The following SFRP1 variants were observed in gnomAD, a reference collection of about 807,000 sequenced individuals.
SFRP1 encodes secreted frizzled-related protein 1.
In SFRP1, 9 loss-of-function variants were observed where a neutral mutation model predicts 25.9. The ratio of observed to expected loss-of-function variants is 0.35; its 90% confidence interval spans 0.21 to 0.61. The LOEUF (loss-of-function observed/expected upper bound fraction) is 0.61. SFRP1 is among the 20% of genes least tolerant of loss of function. SFRP1 has a pLI of 0.78. For missense variants in SFRP1, 346 were observed against 418.2 expected (o/e 0.83, Z 1.51); for synonymous variants, 178 against 174.0 (o/e 1.02, Z -0.18).
In SFRP1 at chr8:41,265,825, T is replaced by C. The variant is rs145161974; in HGVS notation, c.623-336A>G. On this transcript the variant is annotated intron_variant, in intron 2 of 2. Coordinates refer to ENST00000220772, the MANE Select transcript of SFRP1 (RefSeq NM_003012.5). ...TTTTCATCTAGAACAATAACCCAAG[T>C]GTACAGCTGAGGTGGAGAAGAAAAT... 2.6e-4 allele frequency among the ~76,000 whole-genome samples: 40 copies of C among 152,160 alleles called. No individual in the cohort carries two copies. The East Asian group carries it at 7.5e-3, about 29-fold the overall frequency.
intron 2 of SFRP1, among the ~76,000 whole-genome samples, chr8:41,285,928 T>G: frequency 1.4e-5 from 2 of 148,142 alleles, no homozygotes; most frequent in Non-Finnish European, 3.0e-5. Context: ...TTTTGGGGTA[T>G]GGGTCCCCAG....
chr8:41,265,540 T>G, intron 2 of SFRP1, 51 bp from the exon 3 acceptor site: 2 of 1,350,852 alleles, frequency 1.5e-6, no homozygotes, highest in East Asian at 4.7e-5. Flanking sequence ...AGAAAGCATT[T>G]AGAACACAGC....
chr8:41,294,462 C>T (rs1297751905), intron 2 of SFRP1, among the ~76,000 whole-genome samples: 1 of 152,160 alleles, frequency 6.6e-6, no homozygotes, highest in African/African-American at 2.4e-5. Context: ...GAAAATCCCC[C>T]TCGTAATCCT....
At chr8:41,297,271 T>C (rs1186434045) in intron 2 of SFRP1, among the ~76,000 whole-genome samples, 2 of 149,098 alleles carry the variant, frequency 1.3e-5, no homozygotes, top group Admixed American at 6.7e-5. Flanking sequence ...CTTGAACTTC[T>C]GACCTCAGGT....
intron 1 of SFRP1, among the ~76,000 whole-genome samples, chr8:41,305,337 G>A: frequency 6.6e-6 from 1 of 152,168 alleles, no homozygotes; most frequent in East Asian, 1.9e-4. Context: ...TGAACCAATC[G>A]GCCAAGGAGG....
intron 2 of SFRP1, among the ~76,000 whole-genome samples, chr8:41,286,076 C>A (rs1021651755): frequency 6.6e-6 from 1 of 151,950 alleles, no homozygotes; most frequent in South Asian, 2.1e-4. Context: ...CCGGCCCAGA[C>A]CCGATTCCTG....
chr8:41,270,246 G>C (rs1462188996), intron 2 of SFRP1, among the ~76,000 whole-genome samples: 1 of 152,154 alleles, frequency 6.6e-6, no homozygotes, highest in Non-Finnish European at 1.5e-5. Context: ...ATTAGACTGA[G>C]CCCGTGCAAT....
chr8:41,281,216 C>G (rs984096358), intron 2 of SFRP1, among the ~76,000 whole-genome samples: 1 of 152,210 alleles, frequency 6.6e-6, no homozygotes, highest in Non-Finnish European at 1.5e-5. Flanking sequence ...ACCTCCTCCC[C>G]AAGGCCTCCA....
At chr8:41,274,704 A>G (rs1396830113) in intron 2 of SFRP1, among the ~76,000 whole-genome samples, 2 of 152,252 alleles carry the variant, frequency 1.3e-5, no homozygotes, top group Non-Finnish European at 2.9e-5. Context: ...CATAGGAACT[A>G]GAGGTGGGAA....
At chr8:41,286,369 C>T (rs1224207159) in intron 2 of SFRP1, among the ~76,000 whole-genome samples, 1 of 152,228 alleles carries the variant, frequency 6.6e-6, no homozygotes, top group African/African-American at 2.4e-5. Context: ...ACCGCCTCCC[C>T]CGCCGCACAA....
intron 2 of SFRP1, among the ~76,000 whole-genome samples, chr8:41,267,621 C>T (rs902217470): frequency 1.3e-5 from 2 of 152,184 alleles, no homozygotes; most frequent in Non-Finnish European, 2.9e-5. Context: ...TGTGACCTGC[C>T]AGAACATGTG....
intron 1 of SFRP1, among the ~76,000 whole-genome samples, chr8:41,305,805 C>G (rs778928650): frequency 2.0e-5 from 3 of 152,202 alleles, no homozygotes; most frequent in Non-Finnish European, 4.4e-5. Context: ...AGTGCTTTCT[C>G]AGTCTCTCTC....
intron 2 of SFRP1, among the ~76,000 whole-genome samples, chr8:41,279,365 G>A (rs2117491611): frequency 6.6e-6 from 1 of 152,184 alleles, no homozygotes; most frequent in South Asian, 2.1e-4. Flanking sequence ...GCCGGGGTCT[G>A]GTCTACCCAC....
chr8:41,279,383 T>C (rs1364658074), intron 2 of SFRP1, among the ~76,000 whole-genome samples: 1 of 152,062 alleles, frequency 6.6e-6, no homozygotes, highest in Non-Finnish European at 1.5e-5. Flanking sequence ...CACCTATCAG[T>C]AGATGCACTC....
intron 2 of SFRP1, among the ~76,000 whole-genome samples, chr8:41,290,332 G>A (rs950133090): frequency 3.9e-5 from 6 of 152,230 alleles, no homozygotes; most frequent in Non-Finnish European, 8.8e-5. Context: ...TTTCAGGGAA[G>A]CTCCAGACAC....
chr8:41,265,353 C>T lies in SFRP1; in HGVS notation c.759G>A (p.Gly253=), dbSNP rs1457606066. The T allele has an allele frequency of 6.2e-7, 1 of 1,614,054 alleles. No homozygotes were observed. Among genetic ancestry groups the T allele is most frequent in the South Asian group, 1.1e-5 (1 of 91,058 alleles). ...CCAGCTGGTGGCAGGGACAGTCAGC[C>T]CCATTCTTCAGGTACAGCACAAGCT... The part of the protein sequence containing the change: ...LKKLVLYLKN[G]ADCPCHQLDN... The change falls in exon 3 of 3, where the codon GGG becomes GGA. Residue 253 remains glycine, a synonymous_variant. Transcript: ENST00000220772.
At chr8:41,291,731 A>C (rs1198497484) in intron 2 of SFRP1, among the ~76,000 whole-genome samples, 2 of 152,128 alleles carry the variant, frequency 1.3e-5, no homozygotes, top group Admixed American at 1.3e-4. Context: ...AGCCCAGCAC[A>C]CACACCACGC....
chr8:41,294,896 G>A (rs1803822883), intron 2 of SFRP1, among the ~76,000 whole-genome samples: 1 of 152,098 alleles, frequency 6.6e-6, no homozygotes, highest in Non-Finnish European at 1.5e-5. Context: ...GGGATGAGAA[G>A]GACCCAGCGT....
At chr8:41,274,664 TA>T (rs1349893153) in intron 2 of SFRP1, among the ~76,000 whole-genome samples, 4 of 152,176 alleles carry the variant, frequency 2.6e-5, no homozygotes, top group African/African-American at 4.8e-5. Flanking sequence ...AAGAAATCAC[TA>T]AAATACTTGA....
Sources: gnomAD v4.1 joint callset for allele counts (sites outside exome capture counted in the v4.1 genomes callset) on GRCh38, gnomAD v4.1.1 for gene constraint, MANE v1.5 for transcripts, NCBI Gene and HGNC (gene_info 2026-07-23, HGNC 2026-07-21) for gene names.